The following NOP58 variants were observed in gnomAD, a reference collection of about 807,000 sequenced individuals.
The protein encoded by NOP58 is NOP58 ribonucleoprotein.
In NOP58, 44 loss-of-function variants were observed where a neutral mutation model predicts 71.2. The ratio of observed to expected loss-of-function variants is 0.62; its 90% CI spans 0.49 to 0.79. The LOEUF is 0.79. NOP58 is among the 30% of genes least tolerant of loss of function. NOP58 has a pLI of 0.00. For synonymous variants in NOP58, 228 were observed against 200.3 expected, an observed-to-expected ratio of 1.14 and a Z score of -1.17; for missense variants, 538 against 620.2, an observed-to-expected ratio of 0.87 and a Z score of 1.41.
At chr2:202,283,378 C>T (rs895090294) in intron 4 of NOP58, among the ~76,000 whole-genome samples, 3 of 151,914 alleles carry the variant, frequency 2.0e-5, no homozygotes, top group South Asian at 4.2e-4. Context: ...TACAGACGCC[C>T]GCCAACACGC....
At chr2:202,289,138 A>AG (rs1491119874) in intron 6 of NOP58, among the ~76,000 whole-genome samples, 30 of 152,074 alleles carry the variant, frequency 2.0e-4, no homozygotes, top group Non-Finnish European at 4.4e-5. Context: ...GAAAAAAAAA[A>AG]GCGCTCAACC....
chr2:202,276,566 G>A (rs775081359), intron 2 of NOP58: 16 of 451,170 alleles, frequency 3.5e-5, no homozygotes, highest in African/African-American at 5.9e-5. Flanking sequence ...GAGGCTGGGC[G>A]TGATGGCTCA....
At chr2:202,284,289 A>T in intron 4 of NOP58, 56 bp from the exon 5 acceptor site, 2 of 1,398,354 alleles carry the variant, frequency 1.4e-6, no homozygotes, top group Non-Finnish European at 9.7e-7. Context: ...TAATAATAAC[A>T]ACTTCAGGAA....
In NOP58 at chr2:202,297,487, A is replaced by G. The variant is rs1326291221; in HGVS notation, c.1180A>G (p.Arg394Gly). The G allele has an allele frequency of 3.7e-6, 6 of 1,613,956 alleles. No individual in the cohort carries two copies. The highest frequency in any genetic ancestry group is 5.1e-6 in the Non-Finnish European group (6 of 1,179,944). Residue 394 changes from arginine to glycine, a missense_variant, in exon 11 of 15, where the codon AGG becomes GGG. Arg to Gly is a moderately radical substitution (Grantham distance 125, BLOSUM62 -2). Transcript: ENST00000264279. Reference protein sequence around the residue: ...GVENRAKLEARLRTLEDRGIR... With the variant: ...GVENRAKLEAGLRTLEDRGIR... ...TGAGAACAGAGCCAAATTAGAGGCC[A>G]GGTTGAGAACTTTGGAAGACAGAGG...
At chr2:202,292,616 A>G (rs566534552) in intron 8 of NOP58, among the ~76,000 whole-genome samples, 161 bp from the exon 9 acceptor site, 27 of 145,394 alleles carry the variant, frequency 1.9e-4, no homozygotes, top group East Asian at 6.0e-4. Flanking sequence ...CCAGCCTGGG[A>G]AAAAAAAAAA....
At position 202,275,173 on chromosome 2, in the gene NOP58, G is replaced by C; in HGVS notation, c.106G>C (p.Glu36Gln). 6.4e-7 allele frequency: 1 copy of C among 1,565,168 alleles called. No homozygotes were observed. The highest frequency in any genetic ancestry group is 1.1e-5 in the South Asian group (1 of 87,472). ...TTTATGGAAAGAATTTGAAACTCCA[G>C]AGAAAGCAAACAAAATGTAAGTACT... Reference protein sequence around the residue: ...DSLWKEFETPEKANKIVKLKH... With the variant: ...DSLWKEFETPQKANKIVKLKH... The change falls in exon 2 of 15, where the codon GAG (glutamate) becomes CAG (glutamine). Residue 36 changes from glutamate (E) to glutamine (Q), a missense_variant. Glu to Gln is a conservative substitution (Grantham distance 29). Transcript: ENST00000264279.
chr2:202,274,072 A>G (rs1342983552), intron 1 of NOP58, among the ~76,000 whole-genome samples: 2 of 152,262 alleles, frequency 1.3e-5, no homozygotes, highest in Admixed American at 6.5e-5. Context: ...AAAGTACCCT[A>G]TGTTTCTTTT....
intron 9 of NOP58, among the ~76,000 whole-genome samples, chr2:202,293,325 CT>C (rs1282595245): frequency 6.6e-6 from 1 of 151,750 alleles, no homozygotes; most frequent in East Asian, 1.9e-4. Flanking sequence ...GATTGATTAC[CT>C]TAGTTTCACT....
At chr2:202,292,241 C>T (rs2105851684) in intron 8 of NOP58, among the ~76,000 whole-genome samples, 1 of 151,764 alleles carries the variant, frequency 6.6e-6, no homozygotes, top group East Asian at 2.0e-4. Flanking sequence ...ATCCACCTGC[C>T]TCGACCTCCC....
At chr2:202,287,246 T>C (rs1688803450) in intron 5 of NOP58, among the ~76,000 whole-genome samples, 1 of 151,996 alleles carries the variant, frequency 6.6e-6, no homozygotes, top group Non-Finnish European at 1.5e-5. Flanking sequence ...TTTTTATATT[T>C]TTAGTAGAGA....
rs759701994 is a variant in NOP58, at chr2:202,292,885, C to T, written c.889C>T (p.Arg297Trp). ...CATGGTTGGGGAATTAGTTGGAGCA[C>T]GGCTTATTGCTCATGCAGGTGATGG... ...TVMVGELVGA[R>W]LIAHAGSLLN... The change falls in exon 9 of 15, where the codon CGG becomes TGG. Residue 297 changes from arginine (R) to tryptophan (W), a missense_variant. Physicochemically the swap from Arg to Trp is moderately radical, Grantham distance 101. Coordinates refer to ENST00000264279, the MANE Select transcript of NOP58 (RefSeq NM_015934.5). 14 of 1,613,828 alleles carry T rather than the reference C, an allele frequency of 8.7e-6. No individual in the cohort carries two copies. Among genetic ancestry groups the T allele is most frequent in the Admixed American group, 1.7e-5 (1 of 59,984 alleles).
intron 1 of NOP58, among the ~76,000 whole-genome samples, chr2:202,266,565 C>T (rs1271494947): frequency 6.6e-6 from 1 of 152,180 alleles, no homozygotes; most frequent in African/African-American, 2.4e-5. Flanking sequence ...ATCCACCTGC[C>T]TCGGCCTCCC....
chr2:202,291,448 T>C, intron 8 of NOP58, 178 bp downstream of exon 8: 1 of 435,530 alleles, frequency 2.3e-6, no homozygotes, highest in Non-Finnish European at 4.1e-6. Context: ...AAGGGGGAAA[T>C]ACATATTAAA....
intron 1 of NOP58, among the ~76,000 whole-genome samples, chr2:202,273,389 A>G (rs770310726): frequency 4.6e-5 from 7 of 152,202 alleles, no homozygotes; most frequent in Non-Finnish European, 7.3e-5. Context: ...ATTTGTCTCA[A>G]AGTTTTTATT....
At chr2:202,268,186 C>A (rs1688448465) in intron 1 of NOP58, among the ~76,000 whole-genome samples, 1 of 152,090 alleles carries the variant, frequency 6.6e-6, no homozygotes, top group South Asian at 2.1e-4. Context: ...AGTAGACATA[C>A]GGTTCAAAGT....
chr2:202,265,797 G>A lies in NOP58; in HGVS notation c.-145G>A, dbSNP rs1688402139. On this transcript the variant is annotated 5_prime_UTR_variant, in exon 1 of 15. In the 5' UTR this introduces an upstream ATG that the reference lacks. Coordinates refer to ENST00000264279, the MANE Select transcript of NOP58 (RefSeq NM_015934.5). ...GTACAGCGTGGAGGGTTTAGGCAGCGTGTTCTGATTCTTTGCGGGACGGCG... is the reference window on the plus strand; with the variant it reads ...GTACAGCGTGGAGGGTTTAGGCAGCATGTTCTGATTCTTTGCGGGACGGCG... The A allele has an allele frequency of 2.5e-6, 2 of 802,048 alleles. No individual in the cohort carries two copies. Among genetic ancestry groups the A allele is most frequent in the Non-Finnish European group, 4.2e-6 (2 of 476,776 alleles). 49.7% of individuals were successfully genotyped at this position (802,048 alleles called of 1,614,324 possible).
chr2:202,270,466 A>T (rs1053585587), intron 1 of NOP58, among the ~76,000 whole-genome samples: 1 of 152,240 alleles, frequency 6.6e-6, no homozygotes, highest in African/African-American at 2.4e-5. Flanking sequence ...AGTGAAACTT[A>T]AAAGTTAGCA....
chr2:202,295,568 TTTTA>T (rs1425242675), intron 9 of NOP58, 102 bp from the exon 10 acceptor site: 5 of 803,428 alleles, frequency 6.2e-6, no homozygotes, highest in East Asian at 2.7e-5. Flanking sequence ...TATATGTGAT[TTTTA>T]TTTATTATGG....
At position 202,295,737 on chromosome 2, in the gene NOP58, C is replaced by A; in HGVS notation, c.971C>A (p.Ala324Glu). 2 of 1,611,154 alleles carry A rather than the reference C, an allele frequency of 1.2e-6. No individual in the cohort carries two copies. Among genetic ancestry groups the A allele is most frequent in the Non-Finnish European group, 1.7e-6 (2 of 1,178,700 alleles). ...GTTCAGATTCTTGGAGCTGAAAAGGCACTTTTCAGAGCCCTCAAATCTAGA... is the reference window on the plus strand; with the variant it reads ...GTTCAGATTCTTGGAGCTGAAAAGGAACTTTTCAGAGCCCTCAAATCTAGA... The part of the protein sequence containing the change: ...STVQILGAEK[A>E]LFRALKSRRD... Residue 324 changes from alanine (A) to glutamate (E), a missense_variant, in exon 10 of 15, where the codon GCA becomes GAA. Coordinates refer to ENST00000264279, the MANE Select transcript of NOP58 (RefSeq NM_015934.5).
Sources: gnomAD v4.1 joint callset for allele counts (sites outside exome capture counted in the v4.1 genomes callset) on GRCh38, gnomAD v4.1.1 for gene constraint, MANE v1.5 for transcripts, NCBI Gene and HGNC (gene_info 2026-07-23, HGNC 2026-07-21) for gene names.